The following GALNT17 variants were observed in gnomAD, a reference collection of about 807,000 sequenced individuals.
The protein encoded by GALNT17 is UDP-GalNAc:polypeptide N-acetylgalactosaminyltransferase-like 3.
A neutral mutation model predicts 63.7 loss-of-function variants in GALNT17; 29 were observed. The observed-to-expected ratio is 0.46, with a 90% CI of 0.34 to 0.62. GALNT17 has a LOEUF of 0.62. Among genes scored for constraint, GALNT17 ranks in the 20% least tolerant of loss-of-function variants. GALNT17 has a pLI of 0.01. For synonymous variants in GALNT17, 305 were observed against 318.3 expected (o/e 0.96, Z 0.45); for missense variants, 603 against 799.6 (o/e 0.75, Z 2.97).
intron 6 of GALNT17, among the ~76,000 whole-genome samples, chr7:71,629,830 C>T (rs1378659886): frequency 1.3e-5 from 2 of 152,140 alleles, no homozygotes; most frequent in African/African-American, 4.8e-5. Context: ...CTGTATTTCC[C>T]AGGCTGGTCT....
intron 5 of GALNT17, among the ~76,000 whole-genome samples, chr7:71,457,383 G>A (rs1247218643): frequency 6.6e-6 from 1 of 150,560 alleles, no homozygotes; most frequent in Non-Finnish European, 1.5e-5. Flanking sequence ...TACCGGAAAG[G>A]GGTCCTGATC....
At chr7:71,597,547 A>AAAT (rs1789905873) in intron 6 of GALNT17, among the ~76,000 whole-genome samples, 1 of 125,490 alleles carries the variant, frequency 8.0e-6, no homozygotes, top group African/African-American at 2.8e-5. Context: ...AGTAAATAAT[A>AAAT]AACAAACATT....
chr7:71,693,247 T>TATACACACACAC (rs1562739011), intron 9 of GALNT17, among the ~76,000 whole-genome samples: 7 of 107,412 alleles, frequency 6.5e-5, no homozygotes, highest in African/African-American at 2.4e-4. Context: ...TACACATATA[T>TATACACACACAC]ATACACACAC....
At chr7:71,142,178 A>G (rs1787909568) in intron 1 of GALNT17, among the ~76,000 whole-genome samples, 2 of 152,060 alleles carry the variant, frequency 1.3e-5, no homozygotes, top group Admixed American at 6.6e-5. Context: ...CCCTCAGGAG[A>G]TATTTCTTGA....
chr7:71,192,650 C>T (rs1381820647), intron 1 of GALNT17, among the ~76,000 whole-genome samples: 2 of 152,168 alleles, frequency 1.3e-5, no homozygotes, highest in South Asian at 2.1e-4. Flanking sequence ...CCCACCTTGG[C>T]CTCCCAAAGT....
chr7:71,199,751 G>A (rs1562908143), intron 1 of GALNT17, among the ~76,000 whole-genome samples: 1 of 146,916 alleles, frequency 6.8e-6, no homozygotes, highest in Non-Finnish European at 1.5e-5. Context: ...TTATCCATTA[G>A]CTCACTCCAT....
intron 6 of GALNT17, among the ~76,000 whole-genome samples, chr7:71,600,381 G>A (rs1789949035): frequency 8.2e-6 from 1 of 121,216 alleles, no homozygotes; most frequent in African/African-American, 4.2e-5. Flanking sequence ...ATTGAACTGG[G>A]GAACCAGAGG....
At chr7:71,585,650 TTA>T (rs1157231125) in intron 6 of GALNT17, among the ~76,000 whole-genome samples, 2 of 152,170 alleles carry the variant, frequency 1.3e-5, no homozygotes, top group Non-Finnish European at 2.9e-5. Context: ...AATAAATATT[TTA>T]TATGTCTAAA....
At chr7:71,183,550 G>C (rs191828918) in intron 1 of GALNT17, among the ~76,000 whole-genome samples, 57 of 152,262 alleles carry the variant, frequency 3.7e-4, no homozygotes, top group African/African-American at 1.4e-3. Context: ...CCTGAGGTCA[G>C]ACGCCTTGGA....
intron 6 of GALNT17, among the ~76,000 whole-genome samples, chr7:71,636,603 A>G (rs1309252936): frequency 6.6e-6 from 1 of 152,190 alleles, no homozygotes; most frequent in East Asian, 1.9e-4. Context: ...AACAGGGAAG[A>G]CTGAAATAGC....
chr7:71,247,997 GAA>G (rs1201729818), intron 1 of GALNT17, among the ~76,000 whole-genome samples: 4 of 152,184 alleles, frequency 2.6e-5, no homozygotes, highest in Non-Finnish European at 4.4e-5. Context: ...GGAGGAGAAA[GAA>G]GAGAGGTTGG....
chr7:71,207,911 A>C (rs1789303298), intron 1 of GALNT17, among the ~76,000 whole-genome samples: 1 of 151,770 alleles, frequency 6.6e-6, no homozygotes, highest in Non-Finnish European at 1.5e-5. Flanking sequence ...TGAGGTGGAC[A>C]TGTGCCTGTA....
At chr7:71,331,069 C>G (rs73700702) in intron 1 of GALNT17, among the ~76,000 whole-genome samples, 5,677 of 152,268 alleles carry the variant, frequency 0.037, 172 homozygotes, top group East Asian at 0.1. Context: ...GGATGTCCCA[C>G]GGATGCCTCG....
At chr7:71,424,268 G>A (rs183014946) in intron 5 of GALNT17, among the ~76,000 whole-genome samples, 5 of 152,354 alleles carry the variant, frequency 3.3e-5, no homozygotes, top group African/African-American at 9.6e-5. Flanking sequence ...TGGACTGACA[G>A]ACAGTGAGTT....
chr7:71,374,430 T>A (rs1792683180), intron 2 of GALNT17, among the ~76,000 whole-genome samples: 1 of 152,228 alleles, frequency 6.6e-6, no homozygotes, highest in African/African-American at 2.4e-5. Context: ...TTTCTGCTCC[T>A]TGTGTTTCAG....
chr7:71,193,212 C>T (rs1027415621), intron 1 of GALNT17, among the ~76,000 whole-genome samples: 1 of 151,960 alleles, frequency 6.6e-6, no homozygotes, highest in Non-Finnish European at 1.5e-5. Context: ...TATCCTCCTA[C>T]CTGAGCCTCC....
At chr7:71,560,038 C>G (rs1789228392) in intron 5 of GALNT17, among the ~76,000 whole-genome samples, 1 of 151,296 alleles carries the variant, frequency 6.6e-6, no homozygotes, top group Non-Finnish European at 1.5e-5. Flanking sequence ...TACAAAAATA[C>G]AAAAAATTAG....
chr7:71,692,345 T>C (rs1254953201), intron 9 of GALNT17, among the ~76,000 whole-genome samples: 1 of 152,242 alleles, frequency 6.6e-6, no homozygotes, highest in Non-Finnish European at 1.5e-5. Flanking sequence ...CTTTCAGCTT[T>C]TCTTTTTTTC....
chr7:71,507,236 A>G (rs1788283812), intron 5 of GALNT17, among the ~76,000 whole-genome samples: 1 of 152,222 alleles, frequency 6.6e-6, no homozygotes, highest in African/African-American at 2.4e-5. Flanking sequence ...CCCTGTCTCT[A>G]AATAAATAAA....
Sources: allele counts gnomAD v4.1 joint callset (sites outside exome capture counted in the v4.1 genomes callset), GRCh38; gene constraint gnomAD v4.1.1; transcripts MANE v1.5; gene names NCBI Gene and HGNC (gene_info 2026-07-23, HGNC 2026-07-21).